Variants in RORA observed in about 807,000 individuals in gnomAD.
RORA encodes the protein nuclear receptor ROR-alpha.
In RORA, 7 loss-of-function variants were observed where a neutral mutation model predicts 69.5. The observed-to-expected ratio is 0.10, with a 90% confidence interval of 0.06 to 0.19. RORA has a LOEUF of 0.19. Among genes scored for constraint, RORA ranks in the 10% least tolerant of loss-of-function variants. The pLI is 1.00. For missense variants in RORA, 457 were observed against 663.0 expected, an observed-to-expected ratio of 0.69 and a Z score of 3.41; for synonymous variants, 261 against 240.8, an observed-to-expected ratio of 1.08 and a Z score of -0.78.
intron 1 of RORA, 80 bp downstream of exon 1, chr15:61,228,973 C>T: frequency 1.4e-6 from 1 of 717,622 alleles, no homozygotes; most frequent in Non-Finnish European, 1.7e-6. Flanking sequence ...CCCCGCGCCC[C>T]GGGCGCCCGC....
intron 2 of RORA, among the ~76,000 whole-genome samples, chr15:60,568,963 A>T (rs5813033): frequency 0.33 from 46,861 of 143,254 alleles, 12,252 homozygotes; most frequent in African/African-American, 0.73. Flanking sequence ...AAAAAAAAAA[A>T]CTCAATATTA....
At chr15:60,622,775 GC>G (rs1395325505) in intron 2 of RORA, among the ~76,000 whole-genome samples, 76 of 152,090 alleles carry the variant, frequency 5.0e-4, no homozygotes, top group Non-Finnish European at 4.4e-5. Context: ...GGGTGCAGTG[GC>G]AAAATCTTGG....
chr15:60,952,757 G>A (rs1350085555), intron 1 of RORA, among the ~76,000 whole-genome samples: 8 of 146,758 alleles, frequency 5.5e-5, no homozygotes, highest in East Asian at 2.0e-4. Flanking sequence ...CCTCTTCAAG[G>A]AGAACTACAA....
intron 1 of RORA, among the ~76,000 whole-genome samples, chr15:60,941,727 G>A (rs887032165): frequency 6.6e-6 from 1 of 152,194 alleles, no homozygotes; most frequent in Non-Finnish European, 1.5e-5. Flanking sequence ...ACGCAATTAT[G>A]AGTCATTCCA....
chr15:60,592,992 A>G, intron 2 of RORA: 1 of 453,542 alleles, frequency 2.2e-6, no homozygotes, highest in East Asian at 7.1e-5. Flanking sequence ...TGGTCTGGGG[A>G]GCTACGGTCA....
intron 1 of RORA, among the ~76,000 whole-genome samples, chr15:60,708,699 TC>T (rs1567164385): frequency 6.6e-6 from 1 of 152,140 alleles, no homozygotes; most frequent in Non-Finnish European, 1.5e-5. Flanking sequence ...CCCTACACTT[TC>T]CCCCCAACCC....
chr15:60,934,352 G>T (rs974588425), intron 1 of RORA, among the ~76,000 whole-genome samples: 8 of 152,084 alleles, frequency 5.3e-5, no homozygotes, highest in Non-Finnish European at 1.2e-4. Flanking sequence ...TCAAACTTTA[G>T]CAAGGGTCAG....
chr15:61,040,139 T>TA (rs1354836170), intron 1 of RORA, among the ~76,000 whole-genome samples: 1 of 117,458 alleles, frequency 8.5e-6, no homozygotes, highest in Non-Finnish European at 1.8e-5. Context: ...TATATATATA[T>TA]ATATATATAT....
intron 1 of RORA, among the ~76,000 whole-genome samples, chr15:61,091,781 A>G (rs908528548): frequency 6.6e-6 from 1 of 152,224 alleles, no homozygotes; most frequent in Non-Finnish European, 1.5e-5. Context: ...CCCATCCATT[A>G]TTAGAAATGT....
intron 2 of RORA, among the ~76,000 whole-genome samples, chr15:60,571,323 T>TG (rs2067875121): frequency 6.6e-6 from 1 of 151,458 alleles, no homozygotes; most frequent in African/African-American, 2.4e-5. Flanking sequence ...TCCTGTGTTT[T>TG]TGTGTGTGTG....
At chr15:61,204,365 G>T (rs923989460) in intron 1 of RORA, among the ~76,000 whole-genome samples, 1 of 152,216 alleles carries the variant, frequency 6.6e-6, no homozygotes, top group African/African-American at 2.4e-5. Context: ...TGGATAAATC[G>T]ATTGTAATGG....
intron 1 of RORA, among the ~76,000 whole-genome samples, chr15:60,844,723 A>G (rs1483829836): frequency 1.3e-5 from 2 of 152,208 alleles, no homozygotes; most frequent in African/African-American, 4.8e-5. Flanking sequence ...TCAACTTTTC[A>G]TGAAACAGAC....
intron 1 of RORA, among the ~76,000 whole-genome samples, chr15:60,916,239 G>C (rs1182649715): frequency 6.6e-6 from 1 of 152,308 alleles, no homozygotes; most frequent in East Asian, 1.9e-4. Context: ...CCTCCAATGC[G>C]TCTGTGTTGT....
chr15:61,139,553 C>T (rs1333577925), intron 1 of RORA, among the ~76,000 whole-genome samples: 1 of 152,114 alleles, frequency 6.6e-6, no homozygotes, highest in Non-Finnish European at 1.5e-5. Context: ...CAAGTTAAAC[C>T]AGAGGCCACC....
chr15:60,506,628 A>G (rs2065511747), intron 5 of RORA, among the ~76,000 whole-genome samples: 1 of 152,026 alleles, frequency 6.6e-6, no homozygotes, highest in African/African-American at 2.4e-5. Flanking sequence ...TGAGCTGGGC[A>G]GACCACTTGA....
chr15:60,654,514 C>G (rs542691045), intron 2 of RORA, among the ~76,000 whole-genome samples: 1 of 152,174 alleles, frequency 6.6e-6, no homozygotes, highest in East Asian at 1.9e-4. Context: ...TGTTCCTTAA[C>G]GCAGTAAACT....
At chr15:61,167,824 C>A (rs919909504) in intron 1 of RORA, among the ~76,000 whole-genome samples, 1 of 152,150 alleles carries the variant, frequency 6.6e-6, no homozygotes, top group Non-Finnish European at 1.5e-5. Flanking sequence ...CAAGGTGGTC[C>A]CACCCCACCC....
At chr15:60,776,828 A>C (rs1028959314) in intron 1 of RORA, among the ~76,000 whole-genome samples, 7 of 152,102 alleles carry the variant, frequency 4.6e-5, no homozygotes, top group African/African-American at 1.7e-4. Context: ...TTCTGTTTAA[A>C]CCTGCAACCT....
At chr15:60,847,570 A>G (rs1035431139) in intron 1 of RORA, among the ~76,000 whole-genome samples, 38 of 152,256 alleles carry the variant, frequency 2.5e-4, no homozygotes, top group African/African-American at 8.9e-4. Context: ...TGTACTATCC[A>G]AAAGTAGCCA....
Sources: gnomAD v4.1 joint callset for allele counts (sites outside exome capture counted in the v4.1 genomes callset) on GRCh38, gnomAD v4.1.1 for gene constraint, MANE v1.5 for transcripts, NCBI Gene and HGNC (gene_info 2026-07-23, HGNC 2026-07-21) for gene names.